ZPBP: variants seen among roughly 807,000 people sequenced by gnomAD.
ZPBP encodes the protein zona pellucida-binding protein 1.
A neutral mutation model predicts 44.8 loss-of-function variants in ZPBP; 26 were observed. The observed-to-expected ratio is 0.58, with a 90% CI of 0.43 to 0.81. The LOEUF (loss-of-function observed/expected upper bound fraction) is 0.81. Among genes scored for constraint, ZPBP ranks in the 30% least tolerant of loss-of-function variants. The pLI is 0.00. For missense variants in ZPBP, 409 were observed against 434.0 expected (o/e 0.94, Z 0.51); for synonymous variants, 174 against 153.2 (o/e 1.14, Z -1.00).
intron 7 of ZPBP, among the ~76,000 whole-genome samples, chr7:49,969,680 G>A (rs1796207279): frequency 6.6e-6 from 1 of 151,638 alleles, no homozygotes; most frequent in African/African-American, 2.4e-5. Flanking sequence ...CACAGAAAAA[G>A]GACTTTCTAC....
Position 50,031,159 on chromosome 7 carries a change from C to T in ZPBP, c.639G>A (p.Lys213=). ...GCATTTTAACGCGATGGCATTCAGA[C>T]TTAAGTAAGGAAATTTCACATGAAA... The part of the protein sequence containing the change: ...LDLSCEISLL[K]SECHRVKMQR... The change falls in exon 5 of 8, where the codon AAG becomes AAA. Residue 213 remains lysine (K), a synonymous_variant. Transcript: ENST00000046087. The T allele has an allele frequency of 6.2e-7, 1 of 1,613,682 alleles. No individual in the cohort carries two copies. Among genetic ancestry groups the T allele is most frequent in the Non-Finnish European group, 8.5e-7 (1 of 1,179,836 alleles).
In ZPBP at chr7:50,093,218, A is replaced by G. The variant is rs1335702193; in HGVS notation, c.-24T>C. Reference sequence around the variant, plus strand: ...ATCCACACGCCGCCGTCGCCTGCCCACCGTCCGCGCGGAAGGTCGTTAGGC... The same window carrying G: ...ATCCACACGCCGCCGTCGCCTGCCCGCCGTCCGCGCGGAAGGTCGTTAGGC... On this transcript the variant is annotated 5_prime_UTR_variant, in exon 1 of 8. Coordinates refer to ENST00000046087, the MANE Select transcript of ZPBP (RefSeq NM_007009.3). 6 of 1,504,428 alleles carry G rather than the reference A, an allele frequency of 4.0e-6. No individual in the cohort carries two copies. The highest frequency in any genetic ancestry group is 4.4e-6 in the Non-Finnish European group (5 of 1,130,322). 93.2% of individuals were successfully genotyped at this position (1,504,428 alleles called of 1,614,324 possible).
At chr7:49,867,295 T>G (rs1188320161) in intron 2 of ZPBP, among the ~76,000 whole-genome samples, 1 of 152,160 alleles carries the variant, frequency 6.6e-6, no homozygotes, top group African/African-American at 2.4e-5. Context: ...TTTTCATTCC[T>G]GAAGATTGCC....
At chr7:49,928,109 G>A (rs1794311542) in intron 1 of ZPBP, among the ~76,000 whole-genome samples, 1 of 152,164 alleles carries the variant, frequency 6.6e-6, no homozygotes, top group African/African-American at 2.4e-5. Context: ...TTATGCCTTG[G>A]TAACCATGCA....
At chr7:49,855,167 A>G (rs1224903412) in intron 2 of ZPBP, among the ~76,000 whole-genome samples, 5 of 152,232 alleles carry the variant, frequency 3.3e-5, no homozygotes, top group Admixed American at 6.5e-5. Context: ...AGTTAATGCA[A>G]TTATCATATT....
rs147097430 is a variant in ZPBP at position 49,890,982 on chromosome 7, T to A, written n.509+10136A>T. Among the ~76,000 whole-genome samples, 961 of 152,252 alleles carry A rather than the reference T, an allele frequency of 6.3e-3. 7 individuals are homozygous for A. The highest frequency in any genetic ancestry group is 0.022 in the African/African-American group (908 of 41,562). On this transcript the variant is annotated intron_variant and non_coding_transcript_variant, in intron 2 of 2. Coordinates refer to the ZPBP transcript ENST00000465922. ...ATAAAAGGAACAAAAAAAGATGGGC[T>A]AAATAGGAAAGAACTACTAAGGCCA...
At chr7:49,943,973 C>A in intron 7 of ZPBP, 1 of 305,402 alleles carries the variant, frequency 3.3e-6, no homozygotes, top group East Asian at 1.1e-4. Flanking sequence ...ATATCACTTG[C>A]AAATAAATTT....
At chr7:50,000,033 T>C (rs2128793968) in intron 6 of ZPBP, among the ~76,000 whole-genome samples, 1 of 152,230 alleles carries the variant, frequency 6.6e-6, no homozygotes, top group African/African-American at 2.4e-5. Context: ...AGTAAATAGA[T>C]GTAAGGCTTC....
At chr7:49,895,731 G>GCTT (rs1554341244) in intron 2 of ZPBP, among the ~76,000 whole-genome samples, 1 of 151,528 alleles carries the variant, frequency 6.6e-6, no homozygotes, top group African/African-American at 2.4e-5. Flanking sequence ...TTTTCTGCCT[G>GCTT]CATATTTCTT....
At chr7:49,993,305 A>G (rs906233716) in intron 6 of ZPBP, among the ~76,000 whole-genome samples, 19 of 152,270 alleles carry the variant, frequency 1.2e-4, no homozygotes, top group South Asian at 2.1e-4. Flanking sequence ...TATGAAAAGG[A>G]ATCATTTTTT....
intron 3 of ZPBP, 81 bp from the exon 4 acceptor site, chr7:50,058,222 A>G (rs1801067897): frequency 3.5e-6 from 5 of 1,448,008 alleles, no homozygotes; most frequent in Non-Finnish European, 4.8e-6. Flanking sequence ...AGGTAAAACC[A>G]TCATAATTTA....
intron 5 of ZPBP, among the ~76,000 whole-genome samples, chr7:50,021,206 C>T (rs1426385866): frequency 1.3e-5 from 2 of 151,894 alleles, no homozygotes; most frequent in African/African-American, 4.8e-5. Context: ...ATTGGACTTG[C>T]TGTATAAAAA....
intron 2 of ZPBP, among the ~76,000 whole-genome samples, chr7:49,884,238 G>A (rs1791801340): frequency 6.6e-6 from 1 of 152,244 alleles, no homozygotes; most frequent in African/African-American, 2.4e-5. Context: ...GCTGGAGGAA[G>A]GATGAAGATA....
At chr7:49,940,831 G>A (rs1794847929) in intron 7 of ZPBP, 2 of 984,086 alleles carry the variant, frequency 2.0e-6, no homozygotes, top group Non-Finnish European at 2.4e-6. Flanking sequence ...CATGCCTGTG[G>A]GATTGGTTTG....
At chr7:50,053,328 A>G (rs1800780413) in intron 4 of ZPBP, among the ~76,000 whole-genome samples, 1 of 152,192 alleles carries the variant, frequency 6.6e-6, no homozygotes, top group Non-Finnish European at 1.5e-5. Flanking sequence ...ACTTTTCTAA[A>G]CTACTGGACC....
chr7:49,877,476 AAAAAAATATATATAT>A (rs1203929494), intron 2 of ZPBP, among the ~76,000 whole-genome samples: 4 of 43,892 alleles, frequency 9.1e-5, no homozygotes, highest in African/African-American at 3.2e-4. Context: ...AAAAAAAAAA[AAAAAAATATATATAT>A]ATATATATAT....
At chr7:50,019,963 G>C (rs761189925) in intron 5 of ZPBP, among the ~76,000 whole-genome samples, 3 of 151,310 alleles carry the variant, frequency 2.0e-5, no homozygotes, top group African/African-American at 7.3e-5. Context: ...AAATTTTATC[G>C]CTTGAACCTG....
intron 4 of ZPBP, among the ~76,000 whole-genome samples, chr7:50,053,002 C>T (rs1800765422): frequency 3.9e-5 from 6 of 152,078 alleles, no homozygotes; most frequent in Admixed American, 3.9e-4. Flanking sequence ...GATGGGACTG[C>T]TCTGTATCTT....
intron 2 of ZPBP, among the ~76,000 whole-genome samples, chr7:49,864,283 T>C (rs988076954): frequency 6.6e-6 from 1 of 152,146 alleles, no homozygotes; most frequent in Admixed American, 6.6e-5. Context: ...GAGGAGAAGA[T>C]AGGAGAACCT....
Sources: gnomAD v4.1 joint callset for allele counts (sites outside exome capture counted in the v4.1 genomes callset) on GRCh38, gnomAD v4.1.1 for gene constraint, MANE v1.5 for transcripts, NCBI Gene and HGNC (gene_info 2026-07-23, HGNC 2026-07-21) for gene names.